Variants in CPQ observed in about 807,000 individuals in gnomAD.
The protein encoded by CPQ is Ser-Met dipeptidase.
CPQ carries 37 observed loss-of-function variants against 45.7 expected under a neutral mutation model. The ratio of observed to expected loss-of-function variants is 0.81; its 90% CI spans 0.62 to 1.07. CPQ has a LOEUF of 1.07. Ranked by LOEUF, CPQ falls within the 50% of genes least tolerant of loss-of-function variation. CPQ has a pLI of 0.00. For missense variants in CPQ, 537 were observed against 572.9 expected (o/e 0.94, Z 0.64); for synonymous variants, 186 against 205.8 (o/e 0.90, Z 0.82).
At chr8:96,825,298 A>C (rs1304726685) in intron 2 of CPQ, among the ~76,000 whole-genome samples, 3 of 151,964 alleles carry the variant, frequency 2.0e-5, no homozygotes, top group African/African-American at 7.2e-5. Flanking sequence ...CTGGGCCTAT[A>C]GTTAGGATGT....
rs1812150219 is a variant in CPQ, at chr8:96,876,775, C to T, written c.642-3023C>T. Among the ~76,000 whole-genome samples the T allele has an allele frequency of 2.0e-5, 3 of 152,056 alleles. No homozygotes were observed. In the South Asian group the frequency reaches 6.2e-4, roughly 32 times the overall value. On this transcript the variant is annotated intron_variant, in intron 3 of 7. Transcript: ENST00000220763. ...TCAACTTTGTGTTCCTGGGATAAAT[C>T]CCATTTGTTTGTGGTATATAATCCT...
chr8:96,987,619 A>C (rs1313028526), intron 5 of CPQ, among the ~76,000 whole-genome samples: 1 of 152,162 alleles, frequency 6.6e-6, no homozygotes, highest in East Asian at 1.9e-4. Context: ...CTGAGTTTCA[A>C]CCTTTGTTAA....
intron 4 of CPQ, among the ~76,000 whole-genome samples, chr8:96,958,820 C>T (rs1272932550): frequency 2.0e-5 from 3 of 151,282 alleles, no homozygotes; most frequent in Non-Finnish European, 4.4e-5. Context: ...CTTTTCAGGA[C>T]CAGCTGGGTG....
At position 96,796,311 on chromosome 8, in the gene CPQ, G is replaced by A. The variant is rs184541566; in HGVS notation, c.433+10981G>A. 7.9e-5 allele frequency among the ~76,000 whole-genome samples: 12 copies of A among 151,892 alleles called. No individual in the cohort carries two copies. In the East Asian group the frequency reaches 1.5e-3, roughly 20 times the overall value. On this transcript the variant is annotated intron_variant, in intron 2 of 7. Transcript: ENST00000220763. Reference sequence around the variant, plus strand: ...TATTTTTCTTCTTTAAATTATTTGAGCATATCTCTTGCCTATTTTTCTACT... The same window carrying A: ...TATTTTTCTTCTTTAAATTATTTGAACATATCTCTTGCCTATTTTTCTACT...
intron 7 of CPQ, among the ~76,000 whole-genome samples, chr8:97,124,225 CAAAAAAAAAAA>C (rs34933920): frequency 7.0e-5 from 3 of 42,564 alleles, no homozygotes; most frequent in Admixed American, 3.6e-4. Flanking sequence ...GACTCCGTCT[CAAAAAAAAAAA>C]AAAAAAAAAA....
chr8:97,067,806 T>C (rs1051883618), intron 7 of CPQ, among the ~76,000 whole-genome samples: 7 of 152,226 alleles, frequency 4.6e-5, no homozygotes, highest in Admixed American at 4.6e-4. Context: ...TCTGGACAGA[T>C]CCAATACTAT....
At chr8:97,031,113 A>G (rs1421226220) in intron 6 of CPQ, among the ~76,000 whole-genome samples, 1 of 151,878 alleles carries the variant, frequency 6.6e-6, no homozygotes, top group East Asian at 1.9e-4. Flanking sequence ...AGAGTAACTT[A>G]TTTTTAAGAA....
At chr8:96,799,457 AT>A (rs374391291) in intron 2 of CPQ, among the ~76,000 whole-genome samples, 25 of 149,402 alleles carry the variant, frequency 1.7e-4, no homozygotes, top group African/African-American at 4.2e-4. Context: ...CATTTTCAGT[AT>A]TTTTTTTTTA....
intron 7 of CPQ, among the ~76,000 whole-genome samples, chr8:97,117,285 G>C (rs1312183109): frequency 6.6e-6 from 1 of 152,168 alleles, no homozygotes; most frequent in East Asian, 1.9e-4. Context: ...CCCTATTCCA[G>C]ATGAGGGGAT....
At chr8:97,074,910 G>A (rs929294010) in intron 7 of CPQ, among the ~76,000 whole-genome samples, 1 of 152,140 alleles carries the variant, frequency 6.6e-6, no homozygotes, top group Non-Finnish European at 1.5e-5. Context: ...AGTGGGCAAT[G>A]AGAATAGGTG....
At chr8:97,015,438 A>G (rs1039127635) in intron 5 of CPQ, among the ~76,000 whole-genome samples, 1 of 152,136 alleles carries the variant, frequency 6.6e-6, no homozygotes, top group South Asian at 2.1e-4. Context: ...ACAAATTCAC[A>G]TATTTTAACT....
chr8:96,808,792 C>T (rs535656474), intron 2 of CPQ, among the ~76,000 whole-genome samples: 1 of 152,234 alleles, frequency 6.6e-6, no homozygotes, highest in African/African-American at 2.4e-5. Flanking sequence ...TGTTTCCTCA[C>T]CCTCAAATGA....
chr8:96,971,262 T>C (rs1390367409), intron 5 of CPQ, among the ~76,000 whole-genome samples: 1 of 152,208 alleles, frequency 6.6e-6, no homozygotes, highest in Non-Finnish European at 1.5e-5. Flanking sequence ...CATATGATGA[T>C]TCCTTAATTG....
intron 5 of CPQ, among the ~76,000 whole-genome samples, chr8:97,014,044 T>TCACCTATACCTATAC (rs1809536562): frequency 6.6e-6 from 1 of 152,154 alleles, no homozygotes; most frequent in Non-Finnish European, 1.5e-5. Flanking sequence ...CTATAGGTGA[T>TCACCTATACCTATAC]AAGGGATGAT....
chr8:96,797,564 C>T (rs1304615784), intron 2 of CPQ, among the ~76,000 whole-genome samples: 1 of 152,116 alleles, frequency 6.6e-6, no homozygotes, highest in Non-Finnish European at 1.5e-5. Context: ...TCTCCAAGGG[C>T]ATTCTGATGG....
chr8:96,972,845 C>T (rs1359664265), intron 5 of CPQ, among the ~76,000 whole-genome samples: 1 of 152,204 alleles, frequency 6.6e-6, no homozygotes, highest in Non-Finnish European at 1.5e-5. Context: ...AAGAACATCA[C>T]ATCAAGGGAG....
At position 97,087,119 on chromosome 8, in the gene CPQ, T is replaced by G. The variant is rs191379900; in HGVS notation, c.1255+20909T>G. The stretch of plus-strand genomic sequence containing the variant: ...AGGCTCCTTTGATGTTGTTTGCCCC[T>G]CCGGTGGTGGTAAATGACCACAATG... On this transcript the variant is annotated intron_variant, in intron 7 of 7. Transcript: ENST00000220763. Among the ~76,000 whole-genome samples, 316 of 152,288 alleles carry G rather than the reference T, an allele frequency of 2.1e-3. 2 individuals carry two copies. Among genetic ancestry groups the G allele is most frequent in the Non-Finnish European group, 3.5e-3 (240 of 68,008 alleles).
At chr8:97,008,252 G>A (rs1809421987) in intron 5 of CPQ, among the ~76,000 whole-genome samples, 1 of 152,204 alleles carries the variant, frequency 6.6e-6, no homozygotes, top group South Asian at 2.1e-4. Context: ...CACAGAAATA[G>A]ATTTAAGCAA....
intron 1 of CPQ, among the ~76,000 whole-genome samples, chr8:96,736,559 C>T (rs1403952626): frequency 6.6e-6 from 1 of 152,140 alleles, no homozygotes. Context: ...CCACTCACAG[C>T]TGGTAAATGT....
Sources: allele counts gnomAD v4.1 joint callset (sites outside exome capture counted in the v4.1 genomes callset), GRCh38; gene constraint gnomAD v4.1.1; transcripts MANE v1.5; gene names NCBI Gene and HGNC (gene_info 2026-07-23, HGNC 2026-07-21).